The following TENM2 variants were observed in gnomAD, a reference collection of about 807,000 sequenced individuals.
TENM2 encodes the protein teneurin-2.
Under a neutral mutation model 245.2 loss-of-function variants are expected in TENM2, and 52 were observed. The observed-to-expected ratio is 0.21, with a 90% CI of 0.17 to 0.27. TENM2 has a LOEUF of 0.27. Among genes scored for constraint, TENM2 ranks in the 10% least tolerant of loss-of-function variants. The pLI is 1.00. For synonymous variants in TENM2, 1,363 were observed against 1,438.9 expected, an observed-to-expected ratio of 0.95 and a Z score of 1.19; for missense variants, 3,046 against 3,666.8, an observed-to-expected ratio of 0.83 and a Z score of 4.37.
At chr5:167,350,984 ATATATATATGGATTATATACATATG>A (rs1357386056) in intron 1 of TENM2, among the ~76,000 whole-genome samples, 5 of 35,002 alleles carry the variant, frequency 1.4e-4, no homozygotes, top group Non-Finnish European at 2.7e-4. Flanking sequence ...ATACATATGG[ATATATATATGGATTATATACATATG>A]GATATATATA....
At chr5:167,351,207 G>GAT (rs1758893367) in intron 1 of TENM2, among the ~76,000 whole-genome samples, 1 of 150,346 alleles carries the variant, frequency 6.7e-6, no homozygotes, top group African/African-American at 2.4e-5. Context: ...ATATATATGG[G>GAT]ATATATATAC....
At chr5:167,997,588 A>G (rs1784147951) in intron 5 of TENM2, among the ~76,000 whole-genome samples, 1 of 152,236 alleles carries the variant, frequency 6.6e-6, no homozygotes, top group Admixed American at 6.5e-5. Context: ...TTGTAAGTTA[A>G]AAACAGCCAT....
chr5:168,235,732 G>A (rs761219852), intron 25 of TENM2, among the ~76,000 whole-genome samples: 5 of 152,040 alleles, frequency 3.3e-5, no homozygotes, highest in Non-Finnish European at 5.9e-5. Flanking sequence ...ACTTGAACAT[G>A]CTAGACAGAG....
intron 3 of TENM2, 114 bp from the exon 6 acceptor site, chr5:167,952,474 T>C (rs1031360473): frequency 1.3e-5 from 11 of 868,530 alleles, no homozygotes; most frequent in Non-Finnish European, 1.8e-5. Flanking sequence ...AGCTTGCAGC[T>C]TTCAGCAATT....
At chr5:167,989,268 A>AAGAGAGAGAGAGAGAGAGAGAGAGAG (rs10617322) in intron 4 of TENM2, among the ~76,000 whole-genome samples, 4 of 144,942 alleles carry the variant, frequency 2.8e-5, no homozygotes, top group African/African-American at 1.0e-4. Context: ...AAGATAGAGA[A>AAGAGAGAGAGAGAGAGAGAGAGAGAG]AGAGAGAGAG....
chr5:167,750,261 T>TA (rs1462545339), intron 2 of TENM2, among the ~76,000 whole-genome samples: 1 of 152,102 alleles, frequency 6.6e-6, no homozygotes, highest in African/African-American at 2.4e-5. Flanking sequence ...CCTACGCTGT[T>TA]ACGGGTTGCA....
the TENM2 span, among the ~76,000 whole-genome samples, chr5:167,221,300 T>C: frequency 2.0e-5 from 3 of 152,168 alleles, no homozygotes; most frequent in Non-Finnish European, 2.9e-5. Context: ...TAAGCAGATA[T>C]GGCAAATGAA....
chr5:167,504,724 T>C (rs1769429351), intron 2 of TENM2, among the ~76,000 whole-genome samples: 1 of 152,200 alleles, frequency 6.6e-6, no homozygotes, highest in Admixed American at 6.5e-5. Flanking sequence ...CTGTCTTTAG[T>C]TTTGTTCCAG....
chr5:168,139,903 T>C (rs1755387290), intron 12 of TENM2, among the ~76,000 whole-genome samples: 1 of 152,124 alleles, frequency 6.6e-6, no homozygotes, highest in African/African-American at 2.4e-5. Context: ...TTATGTATGG[T>C]CTCCCAATTT....
chr5:167,408,198 A>G (rs1581960624), intron 2 of TENM2, among the ~76,000 whole-genome samples: 1 of 152,180 alleles, frequency 6.6e-6, no homozygotes, highest in South Asian at 2.1e-4. Context: ...CACCTCTGCC[A>G]AAGTATGATC....
At chr5:167,970,665 T>C (rs12521197) in intron 4 of TENM2, among the ~76,000 whole-genome samples, 19,045 of 152,176 alleles carry the variant, frequency 0.13, 1,930 homozygotes, top group African/African-American at 0.27. Flanking sequence ...TGAGACAGAT[T>C]GCAGGGGTCA....
intron 2 of TENM2, among the ~76,000 whole-genome samples, chr5:167,527,811 T>C (rs1771221848): frequency 6.6e-6 from 1 of 151,840 alleles, no homozygotes; most frequent in African/African-American, 2.4e-5. Flanking sequence ...TCCAATAGAG[T>C]TAGGGGGTTC....
chr5:168,052,308 G>A (rs1016298147), intron 6 of TENM2, among the ~76,000 whole-genome samples: 2 of 151,524 alleles, frequency 1.3e-5, no homozygotes, highest in East Asian at 1.9e-4. Flanking sequence ...GGAGAATGGC[G>A]TGAACCCAGG....
At chr5:167,292,057 A>C (rs2127720801) in intron 1 of TENM2, among the ~76,000 whole-genome samples, 1 of 152,220 alleles carries the variant, frequency 6.6e-6, no homozygotes, top group East Asian at 1.9e-4. Context: ...CCTTCATAAA[A>C]CCATCAAATC....
At position 167,791,591 on chromosome 5, in the gene TENM2, G is replaced by A. The variant is rs113716874; in HGVS notation, c.503-84395G>A. ...ATAGAAATGAATGAGGATAATGGTT[G>A]TGTAATACACAGGAAAAACAATTGG... On this transcript the variant is annotated intron_variant, in intron 2 of 28. Coordinates refer to ENST00000518659, the Ensembl canonical transcript of TENM2. Among the ~76,000 whole-genome samples, 690 of 148,108 alleles carry A rather than the reference G, an allele frequency of 4.7e-3. 4 individuals carry two copies. Among genetic ancestry groups the A allele is most frequent in the Non-Finnish European group, 8.3e-3 (556 of 67,122 alleles).
intron 2 of TENM2, among the ~76,000 whole-genome samples, chr5:167,845,178 T>C (rs1561847102): frequency 6.6e-6 from 1 of 151,926 alleles, no homozygotes; most frequent in Admixed American, 6.6e-5. Flanking sequence ...GTTTTAATGT[T>C]TTACAAGTAG....
At chr5:167,950,006 C>T (rs2151826843) in intron 3 of TENM2, among the ~76,000 whole-genome samples, 1 of 152,262 alleles carries the variant, frequency 6.6e-6, no homozygotes, top group Non-Finnish European at 1.5e-5. Flanking sequence ...TTTGATCTAT[C>T]TGCAATGAAA....
At chr5:167,061,116 A>G in the TENM2 span, among the ~76,000 whole-genome samples, 18 of 144,664 alleles carry the variant, frequency 1.2e-4, no homozygotes, top group African/African-American at 3.8e-4. Context: ...ACACACACAC[A>G]CACACATGCA....
At chr5:168,026,605 G>T (rs1786648828) in intron 5 of TENM2, among the ~76,000 whole-genome samples, 1 of 152,180 alleles carries the variant, frequency 6.6e-6, no homozygotes, top group Non-Finnish European at 1.5e-5. Flanking sequence ...AATACAGGCT[G>T]CTGGGTTTAC....
Sources: allele counts gnomAD v4.1 joint callset (sites outside exome capture counted in the v4.1 genomes callset), GRCh38; gene constraint gnomAD v4.1.1; transcripts MANE v1.5; gene names NCBI Gene and HGNC (gene_info 2026-07-23, HGNC 2026-07-21).